PUDP: variants seen among roughly 807,000 people sequenced by gnomAD.
The protein encoded by PUDP is pseudouridine 5'-phosphatase.
A neutral mutation model predicts 9.4 loss-of-function variants in PUDP; 8 were observed. The observed-to-expected ratio is 0.85, with a 90% CI of 0.50 to 1.53. The LOEUF is 1.53. Among genes scored for constraint, PUDP ranks in the 40% most tolerant of loss-of-function variants. The pLI, the probability that PUDP is intolerant of heterozygous loss-of-function variation, is 0.00. For missense variants in PUDP, 188 were observed against 189.7 expected, an observed-to-expected ratio of 0.99 and a Z score of 0.05; for synonymous variants, 99 against 80.7, an observed-to-expected ratio of 1.23 and a Z score of -1.22.
chrX:7,000,875 T>C (rs1288092020), intron 1 of PUDP, among the ~76,000 whole-genome samples: 1 of 108,030 alleles, frequency 9.3e-6, no homozygotes, highest in South Asian at 3.9e-4. Flanking sequence ...CTATTTAACA[T>C]TGTTAGTGAG....
At chrX:7,014,451 G>A (rs1200851586) in intron 1 of PUDP, among the ~76,000 whole-genome samples, 1 of 110,862 alleles carries the variant, frequency 9.0e-6, no homozygotes, top group African/African-American at 3.3e-5. Context: ...ATCTACTAGG[G>A]TGCCAATTCG....
chrX:6,888,639 G>GA (rs776277325), intron 3 of PUDP, among the ~76,000 whole-genome samples: 1 of 110,967 alleles, frequency 9.0e-6, no homozygotes, highest in East Asian at 2.8e-4. Context: ...AACAGAGTGA[G>GA]ACTCCATCTC....
chrX:6,920,947 C>T (rs1335087366), intron 3 of PUDP, among the ~76,000 whole-genome samples: 1 of 111,472 alleles, frequency 9.0e-6, no homozygotes, highest in East Asian at 2.8e-4. Context: ...GCTTCCCCTG[C>T]AGCCCCCTAA....
chrX:6,842,339 C>T (rs2037445942), intron 3 of PUDP, among the ~76,000 whole-genome samples: 1 of 111,849 alleles, frequency 8.9e-6, no homozygotes, highest in African/African-American at 3.2e-5. Context: ...AAAACCCTCA[C>T]ATTTATTTAT....
intron 1 of PUDP, among the ~76,000 whole-genome samples, chrX:7,018,751 C>A (rs1929587011): frequency 8.9e-6 from 1 of 111,805 alleles, no homozygotes. Context: ...CTGTCAGAGG[C>A]ATTTGAACCA....
At chrX:7,062,826 C>T (rs111852719) in intron 3 of PUDP, among the ~76,000 whole-genome samples, 3 of 109,781 alleles carry the variant, frequency 2.7e-5, no homozygotes, top group Non-Finnish European at 1.9e-5. Flanking sequence ...AAAGGCAGTG[C>T]CCCCCTACCC....
At chrX:6,923,064 A>G (rs781177128) in intron 3 of PUDP, among the ~76,000 whole-genome samples, 3 of 111,643 alleles carry the variant, frequency 2.7e-5, no homozygotes, top group Non-Finnish European at 5.6e-5. Context: ...GGTAAATCCA[A>G]TGGTTATTTC....
chrX:6,972,636 G>A (rs1409645325), intron 3 of PUDP, among the ~76,000 whole-genome samples: 1 of 111,998 alleles, frequency 8.9e-6, no homozygotes, highest in Admixed American at 9.5e-5. Context: ...TTTTCACATC[G>A]ATGTTCATCA....
At chrX:6,936,793 G>C (rs1352739259) in intron 3 of PUDP, among the ~76,000 whole-genome samples, 9 of 95,319 alleles carry the variant, frequency 9.4e-5, no homozygotes, top group Non-Finnish European at 1.2e-4. Flanking sequence ...AAAGTCTCAG[G>C]ATACAAAATC....
Position 6,811,272 on chromosome X carries a change from G to A in PUDP, c.*248-104806C>T, listed in dbSNP as rs1362385601. Among the ~76,000 whole-genome samples the A allele has an allele frequency of 9.1e-5, 10 of 110,309 alleles. No individual in the cohort carries two copies. The Admixed American group carries it at 9.6e-4, about 11-fold the overall frequency. On this transcript the variant is annotated intron_variant and NMD_transcript_variant, in intron 3 of 3. Transcript: ENST00000655425. ...CAGAGATGGAGCATTAAGCAAACAG[G>A]TATGTTCTCCCACCAGTGCCATTCT...
At chrX:6,968,358 G>A (rs1348813846) in intron 3 of PUDP, among the ~76,000 whole-genome samples, 1 of 111,956 alleles carries the variant, frequency 8.9e-6, no homozygotes, top group Non-Finnish European at 1.9e-5. Flanking sequence ...TGTTTAACAA[G>A]GATGTGTCCG....
intron 1 of PUDP, chrX:7,117,004 G>A (rs931959229): frequency 1.4e-5 from 16 of 1,166,918 alleles, no homozygotes; most frequent in Non-Finnish European, 1.8e-5. Flanking sequence ...GGACTCCCCC[G>A]AAGCAGCTGC....
chrX:6,747,786 G>T (rs1449728901), intron 3 of PUDP, among the ~76,000 whole-genome samples: 1 of 109,363 alleles, frequency 9.1e-6, no homozygotes, highest in African/African-American at 3.4e-5. Context: ...TCCCCTAGGG[G>T]TTTTTTCTCA....
chrX:6,909,091 G>C (rs1165887590), intron 3 of PUDP, among the ~76,000 whole-genome samples: 1 of 111,844 alleles, frequency 8.9e-6, no homozygotes, highest in African/African-American at 3.2e-5. Flanking sequence ...ACATGCTTTA[G>C]ACTGAAGGCA....
chrX:6,710,499 C>T (rs1924518980), intron 1 of PUDP, among the ~76,000 whole-genome samples: 1 of 111,904 alleles, frequency 8.9e-6, no homozygotes, highest in African/African-American at 3.2e-5. Flanking sequence ...CCTCTCAGGA[C>T]TCACATCCCC....
intron 1 of PUDP, among the ~76,000 whole-genome samples, chrX:7,023,630 C>T (rs1166171577): frequency 8.9e-6 from 1 of 111,939 alleles, no homozygotes; most frequent in African/African-American, 3.2e-5. Flanking sequence ...CCTTTTTTCA[C>T]TGAATTGTTT....
rs185222214 is a variant in PUDP, at chrX:6,930,751, T to C, written c.*247+46382A>G. On this transcript the variant is annotated intron_variant and NMD_transcript_variant, in intron 3 of 3. Transcript: ENST00000655425. ...ACCCCCAGTTCTTTCTCGTGTGAGA[T>C]TTAAGAACCTTCTCTTGGGGTCTGA... 6.2e-3 allele frequency among the ~76,000 whole-genome samples: 691 copies of C among 111,084 alleles called. 3 individuals are homozygous for C. Among genetic ancestry groups the C allele is most frequent in the Non-Finnish European group, 6.2e-3 (329 of 53,024 alleles).
At chrX:6,932,963 C>G (rs1329192311) in intron 3 of PUDP, among the ~76,000 whole-genome samples, 2 of 109,648 alleles carry the variant, frequency 1.8e-5, no homozygotes, top group Non-Finnish European at 3.8e-5. Context: ...ACAAAGCAGC[C>G]GGGAAGCTCG....
intron 3 of PUDP, among the ~76,000 whole-genome samples, chrX:6,732,399 T>A (rs902162691): frequency 9.0e-6 from 1 of 111,731 alleles, no homozygotes; most frequent in South Asian, 3.7e-4. Context: ...TGGGCTTATA[T>A]GTGCATACTC....
Sources: allele counts gnomAD v4.1 joint callset (sites outside exome capture counted in the v4.1 genomes callset), GRCh38; gene constraint gnomAD v4.1.1; transcripts MANE v1.5; gene names NCBI Gene and HGNC (gene_info 2026-07-23, HGNC 2026-07-21).